CD274: variants seen among roughly 807,000 people sequenced by gnomAD.
CD274 encodes the protein programmed cell death 1 ligand 1.
A neutral mutation model predicts 30.1 loss-of-function variants in CD274; 8 were observed. The ratio of observed to expected loss-of-function variants is 0.27; its 90% CI spans 0.16 to 0.48. The LOEUF (loss-of-function observed/expected upper bound fraction) is 0.48. Among genes scored for constraint, CD274 ranks in the 20% least tolerant of loss-of-function variants. The pLI, the probability that CD274 is intolerant of heterozygous loss-of-function variation, is 0.99. For synonymous variants in CD274, 152 were observed against 124.6 expected (o/e 1.22, Z -1.46); for missense variants, 353 against 346.6 (o/e 1.02, Z -0.15).
chr9:5,463,252 A>G (rs1819439728), intron 4 of CD274, 131 bp downstream of exon 4: 2 of 695,572 alleles, frequency 2.9e-6, no homozygotes, highest in Non-Finnish European at 4.9e-6. Flanking sequence ...TGTTTACAAA[A>G]TATATCCTAA....
In CD274 at chr9:5,469,297, C is replaced by G. The variant is rs1278200263; in HGVS notation, c.*1435C>G. ...CAGTTCTGTCTTTTCTATTTAAATG[C>G]CACTAAATTTTAAATTCATACCTTT... On this transcript the variant is annotated 3_prime_UTR_variant, in exon 7 of 7. Transcript: ENST00000381577. 1 of 232,454 alleles carries G rather than the reference C, an allele frequency of 4.3e-6. No homozygotes were observed. The highest frequency in any genetic ancestry group is 2.2e-5 in the African/African-American group (1 of 45,254). The allele number at this position is 232,454 out of a possible 1,614,324, so 14.4% of individuals were successfully genotyped here. A position where few individuals can be genotyped will look rare whatever the true frequency, so the allele number is the denominator to read the frequency against.
chr9:5,456,193 T>G, intron 2 of CD274, 28 bp downstream of exon 2: 1 of 1,471,814 alleles, frequency 6.8e-7, no homozygotes, highest in Non-Finnish European at 9.5e-7. Flanking sequence ...TCCATTAGGT[T>G]CTATATTTTA....
chr9:5,456,101 G>A lies in CD274; in HGVS notation c.-13G>A, dbSNP rs756173496. On this transcript the variant is annotated splice_region_variant and 5_prime_UTR_variant, in exon 2 of 7. Coordinates refer to ENST00000381577, the MANE Select transcript of CD274 (RefSeq NM_014143.4). ...TCTTTTCGTGTTTTCCATAATTAGG[G>A]CATTCCAGAAAGATGAGGATATTTG... The A allele has an allele frequency of 1.9e-6, 3 of 1,583,730 alleles. No homozygotes were observed. The highest frequency in any genetic ancestry group is 2.2e-5 in the East Asian group (1 of 44,562).
At chr9:5,465,238 A>G (rs1257005187) in intron 4 of CD274, among the ~76,000 whole-genome samples, 4 of 152,244 alleles carry the variant, frequency 2.6e-5, no homozygotes, top group Admixed American at 6.5e-5. Context: ...CTGGTTAAGT[A>G]TCTTGCCCAA....
chr9:5,456,996 A>ACT lies in CD274; in HGVS notation c.53-83_53-82insCT, dbSNP rs1175357544. 7 of 875,954 alleles carry ACT rather than the reference A, an allele frequency of 8.0e-6. No homozygotes were observed. In the East Asian group the frequency reaches 1.7e-4, roughly 21 times the overall value. 54.3% of individuals were successfully genotyped at this position (875,954 alleles called of 1,614,324 possible). On this transcript the variant is annotated intron_variant, in intron 2 of 6. Coordinates refer to ENST00000381577, the MANE Select transcript of CD274 (RefSeq NM_014143.4). ...AATGATAACATAACCGACCAGATAA[A>ACT]GTGATTTATAAACGCTGTGCCAATT...
In CD274 at chr9:5,470,495, C is replaced by G. The variant is rs1819571773; in HGVS notation, c.*2633C>G. 1 of 216,778 alleles carries G rather than the reference C, an allele frequency of 4.6e-6. No individual in the cohort carries two copies. Among genetic ancestry groups the G allele is most frequent in the Non-Finnish European group, 9.3e-6 (1 of 107,790 alleles). 13.4% of individuals were successfully genotyped at this position (216,778 alleles called of 1,614,324 possible). ...CTTATTTATTTTGTTACTTGGTACACCAGCATGTCCATTTTCTTGTTTATT... is the reference window on the plus strand; with the variant it reads ...CTTATTTATTTTGTTACTTGGTACAGCAGCATGTCCATTTTCTTGTTTATT... On this transcript the variant is annotated 3_prime_UTR_variant, in exon 7 of 7. Coordinates refer to ENST00000381577, the MANE Select transcript of CD274 (RefSeq NM_014143.4).
chr9:5,463,016 G>T lies in CD274; in HGVS notation c.577G>T (p.Val193Leu). 6.2e-7 allele frequency: 1 copy of T among 1,614,018 alleles called. No individual in the cohort carries two copies. Among genetic ancestry groups the T allele is most frequent in the African/African-American group, 1.3e-5 (1 of 75,018 alleles). The change falls in exon 4 of 7, where the codon GTG (valine) becomes TTG (leucine). Residue 193 changes from valine (V) to leucine (L), a missense_variant. By Grantham distance (32) the Val-to-Leu change is conservative (BLOSUM62 1). Coordinates refer to ENST00000381577, the MANE Select transcript of CD274 (RefSeq NM_014143.4). Reference sequence around the variant, plus strand: ...CAAGAGAGAGGAGAAGCTTTTCAATGTGACCAGCACACTGAGAATCAACAC... The same window carrying T: ...CAAGAGAGAGGAGAAGCTTTTCAATTTGACCAGCACACTGAGAATCAACAC... ...NSKREEKLFNVTSTLRINTTT... is the reference protein window; with the variant it reads ...NSKREEKLFNLTSTLRINTTT...
At chr9:5,463,258 C>A in intron 4 of CD274, 137 bp downstream of exon 4, 2 of 678,168 alleles carry the variant, frequency 2.9e-6, no homozygotes, top group South Asian at 1.8e-5. Flanking sequence ...CAAAATATAT[C>A]CTAATTCCTC....
At chr9:5,460,364 C>T (rs1014782124) in intron 3 of CD274, among the ~76,000 whole-genome samples, 6 of 152,092 alleles carry the variant, frequency 3.9e-5, no homozygotes. Context: ...GTGTTAGGCC[C>T]TGTACTGAAC....
Position 5,463,851 on chromosome 9 carries a change from A to AT in CD274, c.682+739dup, listed in dbSNP as rs200703983. Among the ~76,000 whole-genome samples the AT allele has an allele frequency of 2.2e-3, 338 of 151,486 alleles. 1 individual carries two copies. Among genetic ancestry groups the AT allele is most frequent in the Middle Eastern group, 0.01 (3 of 294 alleles). On this transcript the variant is annotated intron_variant, in intron 4 of 6. Transcript: ENST00000381577. ...GACCATTGCCTGCACAAATTCAACT[A>AT]TTTTTTTTTATCTCACTACTCTACA... is the stretch of plus-strand genomic sequence containing the variant.
In CD274 at chr9:5,469,579, T is replaced by A; in HGVS notation, c.*1717T>A. On this transcript the variant is annotated 3_prime_UTR_variant, in exon 7 of 7. Transcript: ENST00000381577. ...ATTTTAGTGTTTCTTATATAGCAGA[T>A]GGAATGAATTTGAAGTTCCCAGGGC... 1 of 232,172 alleles carries A rather than the reference T, an allele frequency of 4.3e-6. No individual in the cohort carries two copies. The highest frequency in any genetic ancestry group is 1.3e-3 in the Middle Eastern group (1 of 778). 14.4% of individuals were successfully genotyped at this position (232,172 alleles called of 1,614,324 possible). A position where few individuals can be genotyped will look rare whatever the true frequency, so the allele number is the denominator to read the frequency against.
rs2131211102 is a variant in CD274 at position 5,457,110 on chromosome 9, T to C, written c.84T>C (p.Tyr28=). 1 of 1,613,474 alleles carries C rather than the reference T, an allele frequency of 6.2e-7. No individual in the cohort carries two copies. The highest frequency in any genetic ancestry group is 1.1e-5 in the South Asian group (1 of 91,086). Residue 28 remains tyrosine, a synonymous_variant, in exon 3 of 7, where the codon TAT becomes TAC. Transcript: ENST00000381577. ...AFTVTVPKDL[Y]VVEYGSNMTI... The stretch of plus-strand genomic sequence containing the variant: ...CTGTCACGGTTCCCAAGGACCTATA[T>C]GTGGTAGAGTATGGTAGCAATATGA...
In CD274 at chr9:5,459,614, A is replaced by G. The variant is rs185731937; in HGVS notation, c.394+2194A>G. ...CATTTCAAAACTGAAATTTGAAAGAATTTAGTTTTGGATTCACTCAATTAT... is the reference window on the plus strand; with the variant it reads ...CATTTCAAAACTGAAATTTGAAAGAGTTTAGTTTTGGATTCACTCAATTAT... On this transcript the variant is annotated intron_variant, in intron 3 of 6. Coordinates refer to ENST00000381577, the MANE Select transcript of CD274 (RefSeq NM_014143.4). Among the ~76,000 whole-genome samples, 24 of 152,340 alleles carry G rather than the reference A, an allele frequency of 1.6e-4. No homozygotes were observed. In the East Asian group the frequency reaches 4.4e-3, roughly 28 times the overall value.
chr9:5,455,339 T>C (rs1391460723), intron 1 of CD274, among the ~76,000 whole-genome samples: 1 of 152,040 alleles, frequency 6.6e-6, no homozygotes, highest in African/African-American at 2.4e-5. Context: ...ACAGAAGAGG[T>C]GCTCAATCAG....
At chr9:5,463,579 G>A (rs1319867849) in intron 4 of CD274, among the ~76,000 whole-genome samples, 1 of 152,148 alleles carries the variant, frequency 6.6e-6, no homozygotes, top group Non-Finnish European at 1.5e-5. Flanking sequence ...AGGGTGGCAG[G>A]AAATAAATGG....
rs772054237 is a variant in CD274 at position 5,462,787 on chromosome 9, G to T, written c.395-47G>T. On this transcript the variant is annotated intron_variant, in intron 3 of 6. Coordinates refer to ENST00000381577, the MANE Select transcript of CD274 (RefSeq NM_014143.4). ...TGGACAGCATCAAGCTATGTACGTA[G>T]TTCTGTGCTCAGCAAAAGCCCTGAC... is the stretch of plus-strand genomic sequence containing the variant. 4 of 1,564,180 alleles carry T rather than the reference G, an allele frequency of 2.6e-6. No individual in the cohort carries two copies. The Admixed American group carries it at 6.9e-5, about 27-fold the overall frequency.
Position 5,469,236 on chromosome 9 carries a change from C to CTAATGCTTGTTTATA in CD274, c.*1377_*1391dup, listed in dbSNP as rs1819547293. 1 of 232,822 alleles carries CTAATGCTTGTTTATA rather than the reference C, an allele frequency of 4.3e-6. No individual in the cohort carries two copies. 14.4% of individuals were successfully genotyped at this position (232,822 alleles called of 1,614,324 possible). A position where few individuals can be genotyped will look rare whatever the true frequency, so the allele number is the denominator to read the frequency against. On this transcript the variant is annotated 3_prime_UTR_variant, in exon 7 of 7. Coordinates refer to ENST00000381577, the MANE Select transcript of CD274 (RefSeq NM_014143.4). ...TCCTGATTTGCCTTTGCCATATAAT[C>CTAATGCTTGTTTATA]TAATGCTTGTTTATATAGTGTCTGG...
intron 1 of CD274, among the ~76,000 whole-genome samples, chr9:5,455,811 T>G (rs1199885198): frequency 6.6e-6 from 1 of 152,222 alleles, no homozygotes; most frequent in African/African-American, 2.4e-5. Context: ...GGTGCAATAT[T>G]ATCTTCTTGG....
intron 3 of CD274, among the ~76,000 whole-genome samples, chr9:5,460,826 C>T (rs1218742651): frequency 6.6e-6 from 1 of 152,066 alleles, no homozygotes; most frequent in Non-Finnish European, 1.5e-5. Flanking sequence ...ATTTTGAACT[C>T]GTGTGTTTGT....
Sources: gnomAD v4.1 joint callset for allele counts (sites outside exome capture counted in the v4.1 genomes callset) on GRCh38, gnomAD v4.1.1 for gene constraint, MANE v1.5 for transcripts, NCBI Gene and HGNC (gene_info 2026-07-23, HGNC 2026-07-21) for gene names.